NCALD: variants seen among roughly 807,000 people sequenced by gnomAD.
NCALD encodes neurocalcin delta, also known as neurocalcin-delta.
In NCALD, 10 loss-of-function variants were observed where a neutral mutation model predicts 18.6. The ratio of observed to expected loss-of-function variants is 0.54; its 90% CI spans 0.33 to 0.91. NCALD has a LOEUF of 0.91. NCALD is among the 40% of genes least tolerant of loss of function. The probability of loss-of-function intolerance (pLI) is 0.03; values close to 1 mark genes in which losing one functional copy is unlikely to be tolerated. For missense variants in NCALD, 184 were observed against 247.6 expected, an observed-to-expected ratio of 0.74 and a Z score of 1.72; for synonymous variants, 88 against 87.4, an observed-to-expected ratio of 1.01 and a Z score of -0.04.
rs181499206 is a variant in NCALD, at chr8:101,949,285, G to T, written c.-156-33427C>A. Among the ~76,000 whole-genome samples the T allele has an allele frequency of 3.3e-4, 50 of 152,244 alleles. 1 individual carries two copies. Among genetic ancestry groups the T allele is most frequent in the African/African-American group, 1.2e-3 (49 of 41,544 alleles). On this transcript the variant is annotated intron_variant, in intron 2 of 6. Coordinates refer to the NCALD transcript ENST00000311028. ...AAAACTACCCAAGGTCATGCAGAATGTAAGACGCACACTCAGGATTTGAAC... is the reference window on the plus strand; with the variant it reads ...AAAACTACCCAAGGTCATGCAGAATTTAAGACGCACACTCAGGATTTGAAC...
At chr8:101,992,410 T>TAC (rs1821081938) in intron 2 of NCALD, among the ~76,000 whole-genome samples, 1 of 152,152 alleles carries the variant, frequency 6.6e-6, no homozygotes, top group African/African-American at 2.4e-5. Context: ...AATATTAAAA[T>TAC]ACACAAAGAC....
intron 2 of NCALD, among the ~76,000 whole-genome samples, chr8:101,716,497 AT>A (rs1816093271): frequency 6.6e-6 from 1 of 152,242 alleles, no homozygotes; most frequent in Admixed American, 6.5e-5. Flanking sequence ...TTATAAAAAA[AT>A]AAACACATGA....
chr8:102,028,798 A>G (rs945922605), intron 1 of NCALD, among the ~76,000 whole-genome samples: 1 of 152,194 alleles, frequency 6.6e-6, no homozygotes, highest in African/African-American at 2.4e-5. Context: ...AAAGGTGACC[A>G]TTTAATTCAT....
intron 1 of NCALD, among the ~76,000 whole-genome samples, chr8:101,730,778 G>A (rs183018756): frequency 5.9e-5 from 9 of 152,268 alleles, no homozygotes; most frequent in African/African-American, 7.2e-5. Flanking sequence ...CATGGTTCCC[G>A]TATCCCTTAG....
At chr8:101,886,768 A>G (rs1816689087) in intron 4 of NCALD, among the ~76,000 whole-genome samples, 1 of 152,216 alleles carries the variant, frequency 6.6e-6, no homozygotes, top group Non-Finnish European at 1.5e-5. Context: ...AAATGAGTCC[A>G]TTTGGAAAGT....
chr8:101,933,640 C>G (rs1818654976), intron 2 of NCALD, among the ~76,000 whole-genome samples: 1 of 152,136 alleles, frequency 6.6e-6, no homozygotes, highest in Non-Finnish European at 1.5e-5. Flanking sequence ...TCACCTCCAC[C>G]CAACTTTGCT....
At chr8:102,116,817 C>A (rs1465759909) in intron 1 of NCALD, among the ~76,000 whole-genome samples, 1 of 152,130 alleles carries the variant, frequency 6.6e-6, no homozygotes, top group Non-Finnish European at 1.5e-5. Context: ...CATAACCAAG[C>A]TTTAACCCCC....
chr8:101,895,009 T>G (rs2131533948), intron 3 of NCALD, among the ~76,000 whole-genome samples: 1 of 150,564 alleles, frequency 6.6e-6, no homozygotes, highest in African/African-American at 2.5e-5. Context: ...CCTAACTCAT[T>G]TTATGAGGCC....
chr8:102,068,080 C>G (rs1824064783), intron 1 of NCALD, among the ~76,000 whole-genome samples: 1 of 152,154 alleles, frequency 6.6e-6, no homozygotes. Flanking sequence ...AACCTACCAC[C>G]ACCCAAAACC....
At chr8:101,929,320 G>C (rs866940879) in intron 2 of NCALD, among the ~76,000 whole-genome samples, 2 of 57,580 alleles carry the variant, frequency 3.5e-5, no homozygotes, top group South Asian at 8.9e-4. Context: ...AGGAAGGAAG[G>C]AAGCAAGCAA....
intron 1 of NCALD, among the ~76,000 whole-genome samples, chr8:101,780,398 G>C (rs185456434): frequency 6.6e-6 from 1 of 152,208 alleles, no homozygotes; most frequent in East Asian, 1.9e-4. Context: ...TGTACATTTT[G>C]CCCATGTGTT....
At chr8:101,893,719 C>A (rs2131526542) in intron 3 of NCALD, among the ~76,000 whole-genome samples, 1 of 133,140 alleles carries the variant, frequency 7.5e-6, no homozygotes, top group Middle Eastern at 3.5e-3. Flanking sequence ...CAATCCTAGT[C>A]TCTGATAAAA....
At chr8:102,027,677 T>C (rs1017420967) in intron 1 of NCALD, among the ~76,000 whole-genome samples, 1 of 152,186 alleles carries the variant, frequency 6.6e-6, no homozygotes, top group African/African-American at 2.4e-5. Flanking sequence ...AGAACAAATT[T>C]ACTGTATTAG....
intron 1 of NCALD, among the ~76,000 whole-genome samples, chr8:102,079,896 C>T (rs1266858225): frequency 6.6e-6 from 1 of 152,180 alleles, no homozygotes; most frequent in African/African-American, 2.4e-5. Flanking sequence ...AATTAAGACA[C>T]AAGGATAATG....
At chr8:101,938,909 T>C (rs1282749963) in intron 2 of NCALD, among the ~76,000 whole-genome samples, 1 of 152,242 alleles carries the variant, frequency 6.6e-6, no homozygotes, top group Non-Finnish European at 1.5e-5. Context: ...CAATTAACTT[T>C]TGCCTCATGT....
At chr8:101,868,869 C>T (rs2131396198) in intron 4 of NCALD, among the ~76,000 whole-genome samples, 1 of 152,362 alleles carries the variant, frequency 6.6e-6, no homozygotes, top group East Asian at 1.9e-4. Context: ...TAAATCTCTG[C>T]TTTCATTGCT....
chr8:102,087,627 G>A (rs1342327729), intron 1 of NCALD, among the ~76,000 whole-genome samples: 1 of 152,300 alleles, frequency 6.6e-6, no homozygotes, highest in Non-Finnish European at 1.5e-5. Flanking sequence ...CCAAGACCGG[G>A]TTTGGCACTA....
chr8:101,986,000 C>T (rs1225466634), intron 2 of NCALD, among the ~76,000 whole-genome samples: 1 of 152,094 alleles, frequency 6.6e-6, no homozygotes, highest in East Asian at 1.9e-4. Context: ...GTTTACTGAA[C>T]TCAATCCAGT....
chr8:101,722,819 A>G (rs1816419685), intron 1 of NCALD, among the ~76,000 whole-genome samples: 1 of 152,222 alleles, frequency 6.6e-6, no homozygotes, highest in South Asian at 2.1e-4. Context: ...GAAAGGCCAT[A>G]ACACAAACAA....
Sources: allele counts gnomAD v4.1 joint callset (sites outside exome capture counted in the v4.1 genomes callset), GRCh38; gene constraint gnomAD v4.1.1; transcripts MANE v1.5; gene names NCBI Gene and HGNC (gene_info 2026-07-23, HGNC 2026-07-21).